Variants in CORO7 observed in about 807,000 individuals in gnomAD.
The protein encoded by CORO7 is coronin-7.
In CORO7, 107 loss-of-function variants were observed where a neutral mutation model predicts 126.6. The observed-to-expected ratio is 0.85, with a 90% confidence interval of 0.72 to 0.99. The LOEUF (loss-of-function observed/expected upper bound fraction) is 0.99, where lower values mean the gene tolerates loss of function less well. Among genes scored for constraint, CORO7 ranks in the 50% least tolerant of loss-of-function variants. The probability of loss-of-function intolerance (pLI) is 0.00; values close to 1 mark genes in which losing one functional copy is unlikely to be tolerated. For missense variants in CORO7, 1,314 were observed against 1,255.8 expected, an observed-to-expected ratio of 1.05 and a Z score of -0.70; for synonymous variants, 603 against 536.8, an observed-to-expected ratio of 1.12 and a Z score of -1.70.
intron 1 of CORO7, 55 bp downstream of exon 1, chr16:4,416,404 G>T: frequency 6.7e-7 from 1 of 1,501,888 alleles, no homozygotes; most frequent in Non-Finnish European, 8.8e-7. Flanking sequence ...GGCAGGGGGA[G>T]GGGCAGCCGG....
At position 4,380,909 on chromosome 16, in the gene CORO7, T is replaced by C. The variant is rs150063253; in HGVS notation, c.785+7077A>G. 1.1e-4 allele frequency: 165 copies of C among 1,562,174 alleles called. No individual in the cohort carries two copies. In the East Asian group the frequency reaches 3.5e-3, roughly 33 times the overall value. ...TCCAGGGTCCCTCTGCTGCTGCCGC[T>C]GCTCCTGCTACTGGCCCTGGGGCCT... On this transcript the variant is annotated intron_variant, in intron 9 of 27. Coordinates refer to ENST00000251166, the MANE Select transcript of CORO7 (RefSeq NM_024535.5).
At chr16:4,385,345 C>T (rs969955656) in intron 9 of CORO7, among the ~76,000 whole-genome samples, 4 of 152,088 alleles carry the variant, frequency 2.6e-5, no homozygotes, top group South Asian at 4.1e-4. Context: ...GTGGGGCTGC[C>T]GGCCACGCGG....
Position 4,413,389 on chromosome 16 carries a change from T to C in CORO7, c.76A>G (p.Ile26Val), listed in dbSNP as rs1431505977. Residue 26 changes from isoleucine (I) to valine (V), a missense_variant, in exon 2 of 28, where the codon ATT (isoleucine) becomes GTT (valine). Ile to Val is a conservative substitution (Grantham distance 29, BLOSUM62 3). Coordinates refer to ENST00000251166, the MANE Select transcript of CORO7 (RefSeq NM_024535.5). ...PPRRESWISD[I>V]RAGTAPSCRN... ...CATGAAGGGGCGGTTCCTGCTCGAA[T>C]GTCACTGATCCAGGACTGAAAATCA... 6.3e-7 allele frequency: 1 copy of C among 1,575,276 alleles called. No individual in the cohort carries two copies. The highest frequency in any genetic ancestry group is 1.2e-5 in the South Asian group (1 of 86,168).
chr16:4,359,438 C>T lies in CORO7; in HGVS notation c.2250+42G>A, dbSNP rs144121826. On this transcript the variant is annotated intron_variant, in intron 22 of 27. Coordinates refer to ENST00000251166, the MANE Select transcript of CORO7 (RefSeq NM_024535.5). ...CCTCCGGCAACACTGGCCTTCCCCC[C>T]ACCACCTCTCACCTGCCATCCCGCC... 1.2e-5 allele frequency: 20 copies of T among 1,613,458 alleles called. No homozygotes were observed. In the East Asian group the frequency reaches 3.8e-4, roughly 31 times the overall value.
At chr16:4,394,965 G>A (rs1261764159) in intron 7 of CORO7, among the ~76,000 whole-genome samples, 1 of 152,236 alleles carries the variant, frequency 6.6e-6, no homozygotes, top group Non-Finnish European at 1.5e-5. Context: ...GCTGGTCTCT[G>A]CTGACCGTGC....
At chr16:4,396,570 C>A (rs1002878961) in intron 6 of CORO7, among the ~76,000 whole-genome samples, 6 of 152,132 alleles carry the variant, frequency 3.9e-5, no homozygotes, top group African/African-American at 1.4e-4. Context: ...CTAACACAGG[C>A]CTGTGTGCTA....
chr16:4,411,418 T>C (rs1427520416), intron 3 of CORO7, among the ~76,000 whole-genome samples: 1 of 152,010 alleles, frequency 6.6e-6, no homozygotes, highest in Admixed American at 6.6e-5. Context: ...ACAGGTAACG[T>C]TGGCTGGGCC....
At chr16:4,398,463 C>T (rs951045746) in intron 6 of CORO7, among the ~76,000 whole-genome samples, 8 of 151,574 alleles carry the variant, frequency 5.3e-5, no homozygotes, top group Admixed American at 2.0e-4. Flanking sequence ...GTAAGGAGCT[C>T]GAGACGAGCC....
At chr16:4,396,954 T>C (rs957737939) in intron 6 of CORO7, among the ~76,000 whole-genome samples, 2 of 146,762 alleles carry the variant, frequency 1.4e-5, no homozygotes, top group African/African-American at 5.1e-5. Context: ...AGACAGTGGT[T>C]GCAGTGAGCT....
intron 1 of CORO7, among the ~76,000 whole-genome samples, chr16:4,414,147 T>C (rs1401007004): frequency 2.0e-5 from 3 of 146,782 alleles, no homozygotes; most frequent in Non-Finnish European, 4.5e-5. Context: ...GCCGAGATCA[T>C]GCCACTGCAC....
At position 4,382,208 on chromosome 16, in the gene CORO7, A is replaced by G. The variant is rs2055005997; in HGVS notation, c.785+5778T>C. ...TTCACGGGCCTGTACTGTGAGAGCC[A>G]GATGGGGCAGGGGACACGGCCCAGC... On this transcript the variant is annotated intron_variant, in intron 9 of 27. Coordinates refer to ENST00000251166, the MANE Select transcript of CORO7 (RefSeq NM_024535.5). 1.2e-6 allele frequency: 2 copies of G among 1,603,770 alleles called. No homozygotes were observed. The highest frequency in any genetic ancestry group is 1.3e-5 in the African/African-American group (1 of 74,798).
intron 26 of CORO7, chr16:4,356,428 T>TTA (rs1389725740): frequency 1.3e-5 from 2 of 151,738 alleles, no homozygotes; most frequent in Admixed American, 6.6e-5. Context: ...TTATTTTTAT[T>TTA]TTTATTTATT....
rs781628095 is a variant in CORO7, at chr16:4,360,333, C to T, written c.2053G>A (p.Ala685Thr). ...EGPGPKGGRGARIVWVCDGRC... is the reference protein window; with the variant it reads ...EGPGPKGGRGTRIVWVCDGRC... ...CCATCACATACCCAGACAATGCGAG[C>T]TCCGCGTCCTCCCTTGGGCCCTGGG... is the stretch of plus-strand genomic sequence containing the variant. The change falls in exon 21 of 28, where the codon GCT (alanine) becomes ACT (threonine). Residue 685 changes from alanine to threonine, a missense_variant. Coordinates refer to ENST00000251166, the MANE Select transcript of CORO7 (RefSeq NM_024535.5). The T allele has an allele frequency of 6.2e-7, 1 of 1,613,706 alleles. No individual in the cohort carries two copies. The highest frequency in any genetic ancestry group is 8.5e-7 in the Non-Finnish European group (1 of 1,179,996).
At chr16:4,364,197 A>AG in intron 14 of CORO7, 79 bp downstream of exon 14, 2 of 1,409,614 alleles carry the variant, frequency 1.4e-6, no homozygotes, top group Non-Finnish European at 9.2e-7. Context: ...AAAAAAAAAA[A>AG]AGGCCGTTCA....
chr16:4,364,863 G>A lies in CORO7; in HGVS notation c.956C>T (p.Ala319Val), dbSNP rs144433247. ...LRGAALVPRQALAVMSCEVLR... is the reference protein window; with the variant it reads ...LRGAALVPRQVLAVMSCEVLR... ...TACCTCGCAGCTCATGACGGCCAGC[G>A]CCTGCCGGGGCACAAGGGCAGCCCC... The change falls in exon 12 of 28, where the codon GCG becomes GTG. Residue 319 changes from alanine (A) to valine (V), a missense_variant. By Grantham distance (64) the Ala-to-Val change is moderately conservative. Transcript: ENST00000251166. 77 of 1,611,682 alleles carry A rather than the reference G, an allele frequency of 4.8e-5. No homozygotes were observed. In the African/African-American group the frequency reaches 6.1e-4, roughly 13 times the overall value.
intron 6 of CORO7, among the ~76,000 whole-genome samples, chr16:4,401,431 A>G (rs1440144143): frequency 6.6e-6 from 1 of 152,198 alleles, no homozygotes; most frequent in African/African-American, 2.4e-5. Flanking sequence ...CTCCTGGCAA[A>G]GCCCTGCCAG....
intron 14 of CORO7, among the ~76,000 whole-genome samples, chr16:4,363,835 A>T (rs556172274): frequency 6.6e-6 from 1 of 151,904 alleles, no homozygotes; most frequent in Non-Finnish European, 1.5e-5. Flanking sequence ...CCTGACCAAC[A>T]TGGTGAAACC....
In CORO7 at chr16:4,388,553, A is replaced by G; in HGVS notation, c.694T>C (p.Phe232Leu). 6.2e-7 allele frequency: 1 copy of G among 1,612,472 alleles called. No individual in the cohort carries two copies. Among genetic ancestry groups the G allele is most frequent in the Non-Finnish European group, 8.5e-7 (1 of 1,179,678 alleles). The change falls in exon 8 of 28, where the codon TTC (phenylalanine) becomes CTC (leucine). Residue 232 changes from phenylalanine to leucine, a missense_variant. Transcript: ENST00000251166. ...CAGGAGGAACCCCCTACCTGGTTGA[A>G]TCCAGTAGACACAAGGTGCTCCCAG... ...GTWEHLVSTG[F>L]NQMREREVKL...
chr16:4,359,401 C>T lies in CORO7; in HGVS notation c.2251-16G>A. ...GGGTGTCGCCCTGCGGGGAAGAAGG[C>T]AGGCTGGGAACCCTCCGGCAACACT... On this transcript the variant is annotated splice_polypyrimidine_tract_variant and intron_variant, in intron 22 of 27. Transcript: ENST00000251166. 1 of 1,613,598 alleles carries T rather than the reference C, an allele frequency of 6.2e-7. No homozygotes were observed. The highest frequency in any genetic ancestry group is 8.5e-7 in the Non-Finnish European group (1 of 1,179,960).
Sources: allele counts gnomAD v4.1 joint callset (sites outside exome capture counted in the v4.1 genomes callset), GRCh38; gene constraint gnomAD v4.1.1; transcripts MANE v1.5; gene names NCBI Gene and HGNC (gene_info 2026-07-23, HGNC 2026-07-21).